The following FAM168A variants were observed in gnomAD, a reference collection of about 807,000 sequenced individuals.
FAM168A encodes protein FAM168A.
Under a neutral mutation model 28.5 loss-of-function variants are expected in FAM168A, and 3 were observed. The observed-to-expected ratio is 0.11, with a 90% CI of 0.05 to 0.27. The LOEUF (loss-of-function observed/expected upper bound fraction) is 0.27, where lower values mean the gene tolerates loss of function less well. FAM168A is among the 10% of genes least tolerant of loss of function. The probability of loss-of-function intolerance (pLI) is 1.00; values close to 1 mark genes in which losing one functional copy is unlikely to be tolerated. For missense variants in FAM168A, 222 were observed against 311.5 expected, an observed-to-expected ratio of 0.71 and a Z score of 2.16; for synonymous variants, 122 against 124.2, an observed-to-expected ratio of 0.98 and a Z score of 0.12.
At chr11:73,522,698 G>A (rs751870046) in intron 1 of FAM168A, among the ~76,000 whole-genome samples, 5 of 151,156 alleles carry the variant, frequency 3.3e-5, no homozygotes, top group Admixed American at 2.0e-4. Context: ...TCCCAAATGC[G>A]GAGGTTGTAA....
chr11:73,462,359 T>A (rs549185274), intron 2 of FAM168A, among the ~76,000 whole-genome samples: 3 of 152,302 alleles, frequency 2.0e-5, no homozygotes, highest in African/African-American at 7.2e-5. Flanking sequence ...GGACAAATAC[T>A]GTATGATTTC....
chr11:73,589,274 T>C (rs1335069673), intron 1 of FAM168A, among the ~76,000 whole-genome samples: 1 of 151,574 alleles, frequency 6.6e-6, no homozygotes, highest in Non-Finnish European at 1.5e-5. Context: ...TAAAAAATAA[T>C]AAAGAAAAAA....
At chr11:73,560,156 C>T (rs1053547698) in intron 1 of FAM168A, among the ~76,000 whole-genome samples, 3 of 152,010 alleles carry the variant, frequency 2.0e-5, no homozygotes, top group Admixed American at 1.3e-4. Flanking sequence ...CTCGACCCCT[C>T]GGACTCAAGC....
In FAM168A at chr11:73,596,585, C is replaced by A. The variant is rs189933547; in HGVS notation, c.-19+1338G>T. 3.7e-3 allele frequency among the ~76,000 whole-genome samples: 556 copies of A among 152,224 alleles called. 3 individuals carry two copies. The highest frequency in any genetic ancestry group is 0.013 in the African/African-American group (524 of 41,532). ...AAGAATGAGAAGGTCTCTTCCGTGT[C>A]CCCTGCAAAGTCCCCTCTAACAGCC... On this transcript the variant is annotated intron_variant, in intron 1 of 7. Transcript: ENST00000356467.
Position 73,557,329 on chromosome 11 carries a change from C to CA in FAM168A, c.-19+40593_-19+40594insT, listed in dbSNP as rs1211312601. Among the ~76,000 whole-genome samples, 10 of 151,950 alleles carry CA rather than the reference C, an allele frequency of 6.6e-5. 1 individual carries two copies. The highest frequency in any genetic ancestry group is 3.9e-4 in the Admixed American group (6 of 15,260). ...AAAGTTGAATGGTGGTTGCCAGGAG[C>CA]TGGGGTAGGGGAGAAATGAGAGTTA... On this transcript the variant is annotated intron_variant, in intron 1 of 7. Transcript: ENST00000356467.
chr11:73,508,477 G>T (rs934082154), intron 1 of FAM168A, among the ~76,000 whole-genome samples: 28 of 152,142 alleles, frequency 1.8e-4, no homozygotes, highest in African/African-American at 6.8e-4. Flanking sequence ...TGAGGCCTGG[G>T]GCTTTTCCAC....
intron 1 of FAM168A, among the ~76,000 whole-genome samples, chr11:73,585,819 G>T (rs1449859297): frequency 7.7e-6 from 1 of 130,518 alleles, no homozygotes; most frequent in African/African-American, 2.9e-5. Context: ...AGTGAGCCAA[G>T]ATCATGCCAC....
chr11:73,557,412 C>T (rs144011052), intron 1 of FAM168A, among the ~76,000 whole-genome samples: 2 of 151,532 alleles, frequency 1.3e-5, no homozygotes, highest in Non-Finnish European at 2.9e-5. Context: ...TAATTTTTAG[C>T]AGGGATGGGG....
At chr11:73,581,943 T>G (rs1944252722) in intron 1 of FAM168A, among the ~76,000 whole-genome samples, 1 of 151,974 alleles carries the variant, frequency 6.6e-6, no homozygotes, top group Non-Finnish European at 1.5e-5. Flanking sequence ...GGTCTCAAAC[T>G]CCTGACCTTG....
intron 5 of FAM168A, chr11:73,410,678 A>G (rs1866593043): frequency 6.6e-6 from 1 of 152,162 alleles, no homozygotes; most frequent in African/African-American, 2.4e-5. Flanking sequence ...ATAAAACAAG[A>G]GGCTTGAGAT....
At chr11:73,451,443 T>TCACTTTGTGTTAGG (rs985650811) in intron 2 of FAM168A, among the ~76,000 whole-genome samples, 1 of 152,184 alleles carries the variant, frequency 6.6e-6, no homozygotes, top group African/African-American at 2.4e-5. Context: ...AATTGAGAGT[T>TCACTTTGTGTTAGG]CACTTTGTGT....
chr11:73,427,613 G>A (rs1485658677), intron 3 of FAM168A, among the ~76,000 whole-genome samples: 1 of 152,118 alleles, frequency 6.6e-6, no homozygotes, highest in Non-Finnish European at 1.5e-5. Context: ...TTCCCATTTC[G>A]GAAATGGGGA....
chr11:73,534,454 G>A (rs936367097), intron 1 of FAM168A, among the ~76,000 whole-genome samples: 26 of 150,912 alleles, frequency 1.7e-4, no homozygotes, highest in Admixed American at 1.7e-3. Context: ...CCAGGCTGGA[G>A]CGCAATGGTG....
chr11:73,411,466 T>G lies in FAM168A; in HGVS notation c.348A>C (p.Pro116=). 3 of 1,613,196 alleles carry G rather than the reference T, an allele frequency of 1.9e-6. No homozygotes were observed. The highest frequency in any genetic ancestry group is 1.7e-6 in the Non-Finnish European group (2 of 1,179,588). ...QSNTAPPPYS[P]SPNPYQTAMY... ...TGGCCGTCTGATAGGGGTTGGGTGA[T>G]GGGGAGTAGGGGGGTGGAGCAGTGT... The change falls in exon 5 of 8, where the codon CCA becomes CCC. Residue 116 remains proline, a synonymous_variant. Transcript: ENST00000356467.
intron 2 of FAM168A, among the ~76,000 whole-genome samples, chr11:73,444,435 T>C (rs1259231314): frequency 6.6e-6 from 1 of 152,250 alleles, no homozygotes; most frequent in Non-Finnish European, 1.5e-5. Flanking sequence ...AAGCACAAGC[T>C]GGACAAAAGC....
intron 1 of FAM168A, among the ~76,000 whole-genome samples, chr11:73,527,206 G>C (rs1331482044): frequency 6.6e-6 from 1 of 152,056 alleles, no homozygotes; most frequent in Admixed American, 6.6e-5. Context: ...GCAGAAATAG[G>C]ACTAAAAGTT....
intron 1 of FAM168A, among the ~76,000 whole-genome samples, chr11:73,498,166 GA>G (rs1048329195): frequency 6.6e-6 from 1 of 151,604 alleles, no homozygotes; most frequent in Admixed American, 6.6e-5. Context: ...GGCTCCCATC[GA>G]AAAAAAACAT....
chr11:73,434,362 AC>A (rs1867052065), intron 2 of FAM168A, among the ~76,000 whole-genome samples: 1 of 152,184 alleles, frequency 6.6e-6, no homozygotes, highest in African/African-American at 2.4e-5. Flanking sequence ...AGTAAAGGGA[AC>A]CAGAAGTGCC....
intron 1 of FAM168A, among the ~76,000 whole-genome samples, chr11:73,591,357 C>A (rs893077566): frequency 6.6e-6 from 1 of 152,016 alleles, no homozygotes; most frequent in African/African-American, 2.4e-5. Context: ...ATCACAATTC[C>A]TTATACGACA....
Sources: allele counts gnomAD v4.1 joint callset (sites outside exome capture counted in the v4.1 genomes callset), GRCh38; gene constraint gnomAD v4.1.1; transcripts MANE v1.5; gene names NCBI Gene and HGNC (gene_info 2026-07-23, HGNC 2026-07-21).